Variants in TSPAN6 observed in about 807,000 individuals in gnomAD.
TSPAN6 encodes the protein tetraspanin 6.
In TSPAN6, 13 loss-of-function variants were observed where a neutral mutation model predicts 18.0. The ratio of observed to expected loss-of-function variants is 0.72; its 90% confidence interval spans 0.47 to 1.15. TSPAN6 has a LOEUF of 1.15. Ranked by LOEUF, TSPAN6 falls within the 50% of genes most tolerant of loss-of-function variation. The pLI, the probability that TSPAN6 is intolerant of heterozygous loss-of-function variation, is 0.00. For synonymous variants in TSPAN6, 82 were observed against 67.0 expected, an observed-to-expected ratio of 1.22 and a Z score of -1.09; for missense variants, 186 against 183.9, an observed-to-expected ratio of 1.01 and a Z score of -0.07.
At chrX:100,635,445 A>G in intron 2 of TSPAN6, 113 bp downstream of exon 2, 4 of 782,095 alleles carry the variant, frequency 5.1e-6, no homozygotes. Context: ...ATAAGTTTCC[A>G]TAAGGAACAG....
chrX:100,634,523 G>A (rs1220521456), intron 3 of TSPAN6, among the ~76,000 whole-genome samples: 1 of 108,674 alleles, frequency 9.2e-6, no homozygotes, highest in African/African-American at 3.4e-5. Flanking sequence ...ATGGAGTCTC[G>A]CTCTGCTGCC....
chrX:100,633,085 A>G (rs1167342908), intron 5 of TSPAN6, among the ~76,000 whole-genome samples: 1 of 112,061 alleles, frequency 8.9e-6, no homozygotes, highest in Admixed American at 9.5e-5. Context: ...TTGGGAGGCC[A>G]AGTCAGGTGG....
In TSPAN6 at chrX:100,632,572, A is replaced by G. The variant is rs753385524; in HGVS notation, c.586-4T>C. Reference sequence around the variant, plus strand: ...TCATCACCTTTATAAAACAACCCTAATGGGAGGAAAAAAACAAAGATTAAA... The same window carrying G: ...TCATCACCTTTATAAAACAACCCTAGTGGGAGGAAAAAAACAAAGATTAAA... On this transcript the variant is annotated splice_region_variant and splice_polypyrimidine_tract_variant and intron_variant, in intron 5 of 7. Coordinates refer to ENST00000373020, the MANE Select transcript of TSPAN6 (RefSeq NM_003270.4). 8.6e-7 allele frequency: 1 copy of G among 1,165,797 alleles called. No homozygotes were observed.
At position 100,635,651 on chromosome X, in the gene TSPAN6, G is replaced by A. The variant is rs200064918; in HGVS notation, c.183C>T (p.Pro61=). The change falls in exon 2 of 8, where the codon CCC becomes CCT. Residue 61 remains proline (P), a synonymous_variant. Transcript: ENST00000373020. ...CGGTACCAGTAGCAATGAGCACGAA[G>A]GGGACATTGGTGGCCTTCTCATTTA... ...SLLNEKATNV[P]FVLIATGTVI... 2.2e-5 allele frequency: 26 copies of A among 1,199,774 alleles called. No individual in the cohort carries two copies. The highest frequency in any genetic ancestry group is 2.7e-5 in the Non-Finnish European group (24 of 889,173).
rs911016246 is a variant in TSPAN6, at chrX:100,628,659, A to C, written c.*1367T>G. Reference sequence around the variant, plus strand: ...TTTAATGCAAACTATACAATCAAAAAAGTCTGATCTCTAGGAGAACACTAG... The same window carrying C: ...TTTAATGCAAACTATACAATCAAAACAGTCTGATCTCTAGGAGAACACTAG... On this transcript the variant is annotated 3_prime_UTR_variant, in exon 8 of 8. Coordinates refer to ENST00000373020, the MANE Select transcript of TSPAN6 (RefSeq NM_003270.4). The C allele has an allele frequency of 4.4e-5, 5 of 112,447 alleles. No individual in the cohort carries two copies. Among genetic ancestry groups the C allele is most frequent in the African/African-American group, 1.6e-4 (5 of 30,969 alleles). 9.3% of individuals were successfully genotyped at this position (112,447 alleles called of 1,213,427 possible). A position where few individuals can be genotyped will look rare whatever the true frequency, so the allele number is the denominator to read the frequency against.
In TSPAN6 at chrX:100,635,248, G is replaced by A; in HGVS notation, c.281C>T (p.Ala94Val). 1.7e-6 allele frequency: 2 copies of A among 1,182,077 alleles called. No individual in the cohort carries two copies. The highest frequency in any genetic ancestry group is 2.3e-6 in the Non-Finnish European group (2 of 874,270). Residue 94 changes from alanine to valine, a missense_variant, in exon 3 of 8, where the codon GCA (alanine) becomes GTA (valine). Transcript: ENST00000373020. ...RASAWMLKLYAMFLTLVFLVE... is the reference protein window; with the variant it reads ...RASAWMLKLYVMFLTLVFLVE... ...CAAAAAAACGAGAGTCAGAAACATT[G>A]CATACTGCAGGATAAGAAAGAAAGT...
At chrX:100,630,598 T>G (rs780362592) in intron 7 of TSPAN6, among the ~76,000 whole-genome samples, 161 bp downstream of exon 7, 2 of 112,398 alleles carry the variant, frequency 1.8e-5, no homozygotes, top group East Asian at 5.6e-4. Flanking sequence ...CCATGCCCTG[T>G]GTATAGAGAC....
intron 3 of TSPAN6, among the ~76,000 whole-genome samples, 176 bp downstream of exon 3, chrX:100,635,002 T>C (rs2083084856): frequency 8.9e-6 from 1 of 112,525 alleles, no homozygotes; most frequent in Non-Finnish European, 1.9e-5. Context: ...ACTATCAGTC[T>C]TTACAATTTT....
chrX:100,630,301 C>G (rs113955254), intron 7 of TSPAN6, among the ~76,000 whole-genome samples: 1,771 of 112,164 alleles, frequency 0.016, 42 homozygotes, highest in African/African-American at 0.055. Flanking sequence ...GCCACACTCT[C>G]AACAACTGAT....
rs1295973074 is a variant in TSPAN6, at chrX:100,628,895, G to A, written c.*1131C>T. The A allele has an allele frequency of 9.0e-6, 1 of 111,331 alleles. No homozygotes were observed. The highest frequency in any genetic ancestry group is 1.9e-5 in the Non-Finnish European group (1 of 53,101). The allele number at this position is 111,331 out of a possible 1,213,427, so 9.2% of individuals were successfully genotyped here. On this transcript the variant is annotated 3_prime_UTR_variant, in exon 8 of 8. Transcript: ENST00000373020. The stretch of plus-strand genomic sequence containing the variant: ...AAACAAAAACATTTTTTTTAATACA[G>A]AGTTAAGGCCGCAGGCTTATATTTC...
chrX:100,630,189 C>T (rs1470182164), intron 7 of TSPAN6, among the ~76,000 whole-genome samples: 2 of 111,764 alleles, frequency 1.8e-5, no homozygotes, highest in East Asian at 2.8e-4. Flanking sequence ...CAAATACTAA[C>T]GCCATTGAAA....
At chrX:100,631,002 C>A in intron 6 of TSPAN6, 136 bp from the exon 7 acceptor site, 1 of 472,295 alleles carries the variant, frequency 2.1e-6, no homozygotes, top group South Asian at 3.7e-5. Context: ...TAATACTCTG[C>A]AGCATCTAGA....
chrX:100,630,902 AC>A, intron 6 of TSPAN6, 36 bp from the exon 7 acceptor site: 1 of 1,036,285 alleles, frequency 9.6e-7, no homozygotes, highest in Non-Finnish European at 1.4e-6. Context: ...AAATACATAC[AC>A]AAAAGAACTT....
upstream of TSPAN6, chrX:100,637,096 C>A (rs1290993189): frequency 9.8e-6 from 1 of 102,473 alleles, no homozygotes; most frequent in East Asian, 3.1e-4. Flanking sequence ...CTCCCTGGCC[C>A]CTGGTGCCCT....
chrX:100,635,106 T>C (rs2083085415), intron 3 of TSPAN6, 72 bp downstream of exon 3: 11 of 848,012 alleles, frequency 1.3e-5, no homozygotes, highest in Non-Finnish European at 1.5e-5. Flanking sequence ...CTGACTCTTC[T>C]ACTTTAATAA....
rs375734111 is a variant in TSPAN6 at position 100,630,882 on chromosome X, G to C, written c.670-16C>G. 6 of 1,136,236 alleles carry C rather than the reference G, an allele frequency of 5.3e-6. No homozygotes were observed. In the African/African-American group the frequency reaches 1.1e-4, roughly 20 times the overall value. The allele number at this position is 1,136,236 out of a possible 1,213,427, so 93.6% of individuals were successfully genotyped here. A position where few individuals can be genotyped will look rare whatever the true frequency, so the allele number is the denominator to read the frequency against. ...TTCCAATCAGCTAGAAATAAAATAG[G>C]AACAAAATTAAATACATACACAAAA... On this transcript the variant is annotated splice_polypyrimidine_tract_variant and intron_variant, in intron 6 of 7. Coordinates refer to ENST00000373020, the MANE Select transcript of TSPAN6 (RefSeq NM_003270.4).
chrX:100,630,832 C>T lies in TSPAN6; in HGVS notation c.704G>A (p.Arg235His), dbSNP rs745504645. The T allele has an allele frequency of 1.2e-5, 14 of 1,208,113 alleles. No homozygotes were observed. The African/African-American group carries it at 1.6e-4, about 14-fold the overall frequency. Residue 235 changes from arginine to histidine, a missense_variant, in exon 7 of 8, where the codon CGT (arginine) becomes CAT (histidine). Coordinates refer to ENST00000373020, the MANE Select transcript of TSPAN6 (RefSeq NM_003270.4). ...CTCATACTGGTTATTTGTTATGGCA[C>T]GAGAGAGGCAGTAGGCGAGAAAGAT... ...IGIFLAYCLS[R>H]AITNNQYEIV
At chrX:100,633,610 T>C in intron 4 of TSPAN6, 71 bp from the exon 5 acceptor site, 34 of 1,021,218 alleles carry the variant, frequency 3.3e-5, no homozygotes, top group Non-Finnish European at 4.5e-5. Flanking sequence ...CCTAATATCC[T>C]CTATTGCAAT....
Position 100,633,965 on chromosome X carries a change from TA to T in TSPAN6, c.415del (p.Tyr139IlefsTer6). On this transcript the variant is annotated frameshift_variant, in exon 4 of 8. Coordinates refer to ENST00000373020, the MANE Select transcript of TSPAN6 (RefSeq NM_003270.4). LOFTEE classifies it high-confidence loss of function. Reference protein sequence around the residue: ...ALKQYNSTGDYRSHAVDKIQN... With the variant: ...ALKQYNSTGDXRSHAVDKIQN... ...GATCTTGTCTACTGCATGGCTTCTA[TA>T]ATCTCCTGTAGAGTTATACTGCTTC... The T allele has an allele frequency of 8.3e-7, 1 of 1,205,305 alleles. No individual in the cohort carries two copies. Among genetic ancestry groups the T allele is most frequent in the African/African-American group, 1.7e-5 (1 of 57,231 alleles).
Sources: allele counts gnomAD v4.1 joint callset (sites outside exome capture counted in the v4.1 genomes callset), GRCh38; gene constraint gnomAD v4.1.1; transcripts MANE v1.5; gene names NCBI Gene and HGNC (gene_info 2026-07-23, HGNC 2026-07-21).